Variants in HUWE1 observed in about 807,000 individuals in gnomAD.
HUWE1 encodes the protein E3 ubiquitin-protein ligase HUWE1.
Under a neutral mutation model 299.4 loss-of-function variants are expected in HUWE1, and 18 were observed. The observed-to-expected ratio is 0.06, with a 90% CI of 0.04 to 0.09. HUWE1 has a LOEUF of 0.09. HUWE1 is among the 10% of genes least tolerant of loss of function. HUWE1 has a pLI of 1.00. For missense variants in HUWE1, 1,832 were observed against 3,462.3 expected (o/e 0.53, Z 11.82); for synonymous variants, 1,317 against 1,286.1 (o/e 1.02, Z -0.51).
At position 53,584,954 on chromosome X, in the gene HUWE1, T is replaced by C. The variant is rs782744971; in HGVS notation, c.5001+58A>G. The C allele has an allele frequency of 3.9e-5, 45 of 1,161,488 alleles. No homozygotes were observed. The East Asian group carries it at 1.2e-3, about 32-fold the overall frequency. ...TGTTGGGCTGCATTCAAAGACATCCTGAGCCATATGTGGCCTGTGGTCCAC... is the reference window on the plus strand; with the variant it reads ...TGTTGGGCTGCATTCAAAGACATCCCGAGCCATATGTGGCCTGTGGTCCAC... On this transcript the variant is annotated intron_variant, in intron 40 of 83. Transcript: ENST00000262854.
At chrX:53,564,258 A>G (rs1556943636) in intron 51 of HUWE1, among the ~76,000 whole-genome samples, 1 of 111,952 alleles carries the variant, frequency 8.9e-6, no homozygotes, top group East Asian at 2.8e-4. Flanking sequence ...AATAATGACC[A>G]GAGCCAAAGT....
chrX:53,669,696 T>C (rs2069421241), intron 3 of HUWE1, among the ~76,000 whole-genome samples: 1 of 112,502 alleles, frequency 8.9e-6, no homozygotes, highest in African/African-American at 3.2e-5. Flanking sequence ...CTGCAAATAA[T>C]TCACTTTTAA....
Position 53,549,104 on chromosome X carries a change from C to G in HUWE1, c.9890G>C (p.Arg3297Thr). ...ACGCTGGATCTGAAATATATTAGTCCTGCAGCCTAGGGCTGCATCCATGGA... is the reference window on the plus strand; with the variant it reads ...ACGCTGGATCTGAAATATATTAGTCGTGCAGCCTAGGGCTGCATCCATGGA... ...SVSMDAALGC[R>T]TNIFQIQRSG... The change falls in exon 67 of 84, where the codon AGG (arginine) becomes ACG (threonine). Residue 3297 changes from arginine to threonine, a missense_variant. By Grantham distance (71) the Arg-to-Thr change is moderately conservative. Around this residue, in one of 15 missense-constraint regions of HUWE1, gnomAD observed 80 missense variants for 142.1 expected, o/e 0.56. Transcript: ENST00000262854. 8.3e-7 allele frequency: 1 copy of G among 1,211,975 alleles called. No individual in the cohort carries two copies. The highest frequency in any genetic ancestry group is 1.1e-6 in the Non-Finnish European group (1 of 895,389).
At chrX:53,546,362 G>T in intron 70 of HUWE1, 74 bp downstream of exon 70, 1 of 1,000,216 alleles carries the variant, frequency 1.0e-6, no homozygotes, top group Non-Finnish European at 1.4e-6. Context: ...GGGGATTCAG[G>T]AAAGGATTCC....
At chrX:53,677,080 C>G (rs1409890855) in intron 3 of HUWE1, among the ~76,000 whole-genome samples, 2 of 87,956 alleles carry the variant, frequency 2.3e-5, no homozygotes, top group African/African-American at 8.4e-5. Context: ...AATGAACACC[C>G]CCCCACCCCA....
At chrX:53,544,301 G>C (rs2061467112) in intron 72 of HUWE1, among the ~76,000 whole-genome samples, 1 of 111,981 alleles carries the variant, frequency 8.9e-6, no homozygotes, top group Non-Finnish European at 1.9e-5. Context: ...GTTAAGTCTT[G>C]TTCAGCAAAA....
intron 43 of HUWE1, among the ~76,000 whole-genome samples, chrX:53,580,628 T>G (rs782663872): frequency 1.3e-3 from 145 of 112,297 alleles, no homozygotes; most frequent in Non-Finnish European, 2.1e-3. Flanking sequence ...CCTCAGTGTC[T>G]CTGGCAGGGA....
intron 73 of HUWE1, among the ~76,000 whole-genome samples, chrX:53,543,545 C>T (rs782323172): frequency 2.7e-5 from 3 of 111,094 alleles, no homozygotes; most frequent in African/African-American, 9.8e-5. Flanking sequence ...AAACTTCACC[C>T]CATAACCCCT....
At position 53,603,448 on chromosome X, in the gene HUWE1, A is replaced by G. The variant is rs1556993377; in HGVS notation, c.2796T>C (p.Ser932=). 2 of 1,207,856 alleles carry G rather than the reference A, an allele frequency of 1.7e-6. No individual in the cohort carries two copies. Among genetic ancestry groups the G allele is most frequent in the South Asian group, 1.8e-5 (1 of 56,861 alleles). The change falls in exon 27 of 84, where the codon AGT becomes AGC. Residue 932 remains serine (S), a synonymous_variant. Transcript: ENST00000262854. ...VNQWGSQLGL[S]VLSKLSQLYC... Reference sequence around the variant, plus strand: ...ATAACTGGCTCAGCTTGCTCAAAACACTCAGACCCAATTGAGAGCCCCACT... The same window carrying G: ...ATAACTGGCTCAGCTTGCTCAAAACGCTCAGACCCAATTGAGAGCCCCACT...
chrX:53,578,364 C>G (rs1556961773), intron 43 of HUWE1, among the ~76,000 whole-genome samples: 1 of 97,599 alleles, frequency 1.0e-5, no homozygotes, highest in Non-Finnish European at 2.1e-5. Context: ...GGGGGGGGGT[C>G]AGCCCCCCGC....
chrX:53,675,356 T>C (rs782747863), intron 3 of HUWE1, among the ~76,000 whole-genome samples: 3 of 112,046 alleles, frequency 2.7e-5, no homozygotes, highest in African/African-American at 6.5e-5. Flanking sequence ...CCTGTATTAA[T>C]AGAAGACAAT....
At chrX:53,684,868 G>GT (rs2070383171) in intron 2 of HUWE1, among the ~76,000 whole-genome samples, 1 of 112,113 alleles carries the variant, frequency 8.9e-6, no homozygotes, top group African/African-American at 3.2e-5. Flanking sequence ...ATTAGTTCTA[G>GT]TTCCAAAGCC....
intron 7 of HUWE1, among the ~76,000 whole-genome samples, chrX:53,634,703 C>G (rs1317105584): frequency 8.9e-6 from 1 of 112,761 alleles, no homozygotes; most frequent in Non-Finnish European, 1.9e-5. Context: ...TGAGGCTCTG[C>G]CTACTCACCT....
intron 3 of HUWE1, among the ~76,000 whole-genome samples, chrX:53,668,514 A>G (rs1167613654): frequency 6.3e-5 from 7 of 110,432 alleles, no homozygotes; most frequent in African/African-American, 2.0e-4. Flanking sequence ...AAAGGACAAC[A>G]GCATAATGGA....
At chrX:53,567,259 C>T (rs2062619899) in intron 49 of HUWE1, among the ~76,000 whole-genome samples, 1 of 111,532 alleles carries the variant, frequency 9.0e-6, no homozygotes, top group South Asian at 3.7e-4. Context: ...TCTAGGTAGA[C>T]ACATGGTGTT....
rs377447090 is a variant in HUWE1 at position 53,542,533 on chromosome X, A to T, written c.11386T>A (p.Ser3796Thr). The change falls in exon 74 of 84, where the codon TCT (serine) becomes ACT (threonine). Residue 3796 changes from serine to threonine, a missense_variant. Physicochemically the swap from Ser to Thr is moderately conservative, Grantham distance 58. Transcript: ENST00000262854. ...CGGACAGACGCCTCTGACTGGCTAG[A>T]CTCCGACTGGATAAAAGGGAGACAA... is the stretch of plus-strand genomic sequence containing the variant. ...RRQQQAATSE[S>T]SQSEASVRRE... 97 of 1,174,950 alleles carry T rather than the reference A, an allele frequency of 8.3e-5. No homozygotes were observed. The highest frequency in any genetic ancestry group is 1.0e-4 in the Non-Finnish European group (90 of 863,388).
At chrX:53,645,083 G>A (rs1239740683) in intron 7 of HUWE1, among the ~76,000 whole-genome samples, 1 of 112,110 alleles carries the variant, frequency 8.9e-6, no homozygotes, top group East Asian at 2.8e-4. Context: ...TGCCACTTTT[G>A]AACAGAGAGA....
chrX:53,627,200 T>C (rs2066570471), intron 17 of HUWE1, among the ~76,000 whole-genome samples: 1 of 111,880 alleles, frequency 8.9e-6, no homozygotes, highest in Admixed American at 9.5e-5. Flanking sequence ...ACCTGCCATC[T>C]CTACTCCAAA....
intron 83 of HUWE1, chrX:53,533,712 G>A: frequency 2.3e-6 from 1 of 439,330 alleles, no homozygotes; most frequent in Non-Finnish European, 4.0e-6. Context: ...TCGGACCTCT[G>A]CTGAGCTCTT....
Sources: allele counts gnomAD v4.1 joint callset (sites outside exome capture counted in the v4.1 genomes callset), GRCh38; gene constraint gnomAD v4.1.1; regional missense constraint gnomAD v4.1.1; transcripts MANE v1.5; gene names NCBI Gene and HGNC (gene_info 2026-07-23, HGNC 2026-07-21).